TGFBR3: variants seen among roughly 807,000 people sequenced by gnomAD.
The protein encoded by TGFBR3 is transforming growth factor beta receptor 3.
In TGFBR3, 46 loss-of-function variants were observed where a neutral mutation model predicts 87.9. That is an observed-to-expected ratio of 0.52 (90% confidence interval 0.41 to 0.67). The LOEUF is 0.67. TGFBR3 is among the 30% of genes least tolerant of loss of function. TGFBR3 has a pLI of 0.00. For synonymous variants in TGFBR3, 381 were observed against 391.6 expected (o/e 0.97, Z 0.32); for missense variants, 866 against 1,041.9 (o/e 0.83, Z 2.32).
chr1:91,864,642 T>A (rs2101209620), intron 1 of TGFBR3, among the ~76,000 whole-genome samples: 1 of 152,296 alleles, frequency 6.6e-6, no homozygotes, highest in East Asian at 1.9e-4. Context: ...AAGGGAAGTG[T>A]GTCATTCTCA....
chr1:91,764,442 G>A (rs1284261655), intron 3 of TGFBR3, among the ~76,000 whole-genome samples: 2 of 151,938 alleles, frequency 1.3e-5, no homozygotes, highest in African/African-American at 4.8e-5. Flanking sequence ...GGGGTTGAGG[G>A]GCAAGAGCTC....
intron 4 of TGFBR3, among the ~76,000 whole-genome samples, chr1:91,753,204 G>A (rs1056679715): frequency 2.0e-5 from 3 of 150,754 alleles, no homozygotes; most frequent in African/African-American, 7.3e-5. Context: ...TGGACAATAT[G>A]GCAAAACCCT....
At chr1:91,721,397 A>G (rs373741147) in intron 8 of TGFBR3, among the ~76,000 whole-genome samples, 5 of 152,272 alleles carry the variant, frequency 3.3e-5, no homozygotes, top group East Asian at 1.9e-4. Context: ...TTCTATTGGC[A>G]TTTCACTCAG....
At chr1:91,699,907 T>C (rs1671563698) in intron 14 of TGFBR3, among the ~76,000 whole-genome samples, 1 of 152,234 alleles carries the variant, frequency 6.6e-6, no homozygotes, top group Non-Finnish European at 1.5e-5. Flanking sequence ...GGTTGAGATA[T>C]TATGGTCCAC....
chr1:91,744,826 C>T (rs1487301693), intron 4 of TGFBR3, among the ~76,000 whole-genome samples: 1 of 152,188 alleles, frequency 6.6e-6, no homozygotes, highest in Non-Finnish European at 1.5e-5. Context: ...AAGAATCTCT[C>T]CTCTGCACTG....
intron 7 of TGFBR3, among the ~76,000 whole-genome samples, chr1:91,726,695 A>G (rs1291040846): frequency 6.6e-6 from 1 of 151,588 alleles, no homozygotes; most frequent in African/African-American, 2.4e-5. Context: ...GAATGAATGA[A>G]TAATACCAAA....
chr1:91,733,603 A>G (rs1322013131), intron 5 of TGFBR3, among the ~76,000 whole-genome samples: 1 of 152,214 alleles, frequency 6.6e-6, no homozygotes, highest in African/African-American at 2.4e-5. Context: ...GTAGAATTTA[A>G]CAGAAAGCAG....
At chr1:91,731,825 A>G (rs1378721913) in intron 5 of TGFBR3, among the ~76,000 whole-genome samples, 1 of 152,242 alleles carries the variant, frequency 6.6e-6, no homozygotes, top group Non-Finnish European at 1.5e-5. Flanking sequence ...ATAACAAAAT[A>G]TTCACTCATG....
intron 2 of TGFBR3, among the ~76,000 whole-genome samples, chr1:91,839,030 T>G (rs188163393): frequency 6.6e-4 from 101 of 152,282 alleles, no homozygotes; most frequent in African/African-American, 2.2e-3. Context: ...CAGGCTAGAG[T>G]GCAGTGGCAT....
chr1:91,849,979 G>A (rs1241382984), intron 2 of TGFBR3, among the ~76,000 whole-genome samples: 1 of 151,342 alleles, frequency 6.6e-6, no homozygotes. Context: ...CTACTCGGGA[G>A]GCTGAGGCAG....
chr1:91,772,422 C>T (rs959807788), intron 3 of TGFBR3, among the ~76,000 whole-genome samples: 6 of 152,100 alleles, frequency 3.9e-5, no homozygotes, highest in African/African-American at 1.2e-4. Flanking sequence ...AAAAATCAAA[C>T]TCTAGCCCTC....
At chr1:91,788,115 T>C (rs1164377107) in intron 3 of TGFBR3, among the ~76,000 whole-genome samples, 6 of 152,158 alleles carry the variant, frequency 3.9e-5, no homozygotes, top group Non-Finnish European at 8.8e-5. Context: ...GGCAGGCAGA[T>C]GTGTAGAGGC....
At chr1:91,786,675 C>T (rs1390815416) in intron 3 of TGFBR3, among the ~76,000 whole-genome samples, 6 of 151,420 alleles carry the variant, frequency 4.0e-5, no homozygotes, top group African/African-American at 1.5e-4. Context: ...TGCTTGAACT[C>T]GGGAGGCGGA....
At chr1:91,750,116 T>C (rs1673483961) in intron 4 of TGFBR3, among the ~76,000 whole-genome samples, 1 of 152,200 alleles carries the variant, frequency 6.6e-6, no homozygotes, top group Non-Finnish European at 1.5e-5. Context: ...AACCCATGCC[T>C]GCACACAGAC....
At chr1:91,819,156 T>C (rs1041164202) in intron 2 of TGFBR3, among the ~76,000 whole-genome samples, 5 of 152,032 alleles carry the variant, frequency 3.3e-5, no homozygotes, top group African/African-American at 1.2e-4. Flanking sequence ...GATCATGAGG[T>C]TAAGAGTTCA....
intron 2 of TGFBR3, among the ~76,000 whole-genome samples, chr1:91,831,645 A>G (rs1676860938): frequency 6.6e-6 from 1 of 152,230 alleles, no homozygotes. Context: ...ACTGTAGTTT[A>G]TTACAGGCCA....
chr1:91,852,377 C>T (rs1329789665), intron 2 of TGFBR3, among the ~76,000 whole-genome samples: 1 of 152,176 alleles, frequency 6.6e-6, no homozygotes, highest in Admixed American at 6.5e-5. Flanking sequence ...CCTCAACTCC[C>T]GTGTGTGTGT....
At position 91,839,394 on chromosome 1, in the gene TGFBR3, A is replaced by C. The variant is rs147674772; in HGVS notation, c.61+22077T>G. Among the ~76,000 whole-genome samples, 1,136 of 152,266 alleles carry C rather than the reference A, an allele frequency of 7.5e-3. 16 individuals carry two copies. The highest frequency in any genetic ancestry group is 0.026 in the African/African-American group (1,071 of 41,534). ...AAGGTAGCATCTGAATTACATAATA[A>C]ATTTTTCATACTCCGTAACATTAAA... On this transcript the variant is annotated intron_variant, in intron 2 of 16. Coordinates refer to ENST00000212355, the MANE Select transcript of TGFBR3 (RefSeq NM_003243.5).
At chr1:91,887,236 C>CT (rs71087977), upstream of TGFBR3, among the ~76,000 whole-genome samples, 700 of 41,318 alleles carry the variant, frequency 0.017, 127 homozygotes, top group African/African-American at 0.06. Flanking sequence ...GGACCTATGC[C>CT]TTTTTTTTTT....
Sources: gnomAD v4.1 joint callset for allele counts (sites outside exome capture counted in the v4.1 genomes callset) on GRCh38, gnomAD v4.1.1 for gene constraint, MANE v1.5 for transcripts, NCBI Gene and HGNC (gene_info 2026-07-23, HGNC 2026-07-21) for gene names.